The following PPARGC1A variants were observed in gnomAD, a reference collection of about 807,000 sequenced individuals.
PPARGC1A encodes the protein peroxisome proliferator-activated receptor gamma coactivator 1-alpha.
In PPARGC1A, 25 loss-of-function variants were observed where a neutral mutation model predicts 88.7. The ratio of observed to expected loss-of-function variants is 0.28; its 90% confidence interval spans 0.21 to 0.39. PPARGC1A has a LOEUF of 0.39. Ranked by LOEUF, PPARGC1A falls within the 10% of genes least tolerant of loss-of-function variation. The pLI is 1.00. For missense variants in PPARGC1A, 880 were observed against 968.7 expected (o/e 0.91, Z 1.22); for synonymous variants, 363 against 355.6 (o/e 1.02, Z -0.24).
the PPARGC1A span, among the ~76,000 whole-genome samples, chr4:24,417,972 A>G: frequency 6.6e-6 from 1 of 151,836 alleles, no homozygotes; most frequent in Non-Finnish European, 1.5e-5. Context: ...CCACCATCAG[A>G]CTATTTATTT....
chr4:24,162,023 C>A, the PPARGC1A span, among the ~76,000 whole-genome samples: 1 of 147,660 alleles, frequency 6.8e-6, no homozygotes, highest in African/African-American at 2.5e-5. Flanking sequence ...CCATGGAATA[C>A]TATTCAGCCA....
chr4:23,853,816 G>C (rs1220084270), intron 2 of PPARGC1A, among the ~76,000 whole-genome samples: 1 of 152,172 alleles, frequency 6.6e-6, no homozygotes, highest in Non-Finnish European at 1.5e-5. Flanking sequence ...AAGACATCTA[G>C]AGAAGACAAA....
chr4:24,139,830 C>A, the PPARGC1A span, among the ~76,000 whole-genome samples: 1 of 152,188 alleles, frequency 6.6e-6, no homozygotes, highest in South Asian at 2.1e-4. Flanking sequence ...AATGCTGGAA[C>A]TGAGTGCACC....
At chr4:24,248,858 G>A in the PPARGC1A span, among the ~76,000 whole-genome samples, 2 of 152,320 alleles carry the variant, frequency 1.3e-5, no homozygotes, top group South Asian at 2.1e-4. Context: ...CCTAAGGTCA[G>A]GAATGCACAT....
the PPARGC1A span, among the ~76,000 whole-genome samples, chr4:24,189,823 G>T: frequency 6.6e-6 from 1 of 152,048 alleles, no homozygotes; most frequent in Non-Finnish European, 1.5e-5. Flanking sequence ...ATGCTCCACA[G>T]TGTCCCCACC....
chr4:23,826,204 A>C (rs1723894817), intron 5 of PPARGC1A, among the ~76,000 whole-genome samples: 1 of 152,146 alleles, frequency 6.6e-6, no homozygotes, highest in Non-Finnish European at 1.5e-5. Context: ...GAGAGCCATA[A>C]GAAGGGGACA....
the PPARGC1A span, among the ~76,000 whole-genome samples, chr4:24,120,737 T>G: frequency 6.6e-6 from 1 of 152,174 alleles, no homozygotes; most frequent in South Asian, 2.1e-4. Context: ...AAAGAGGCCA[T>G]GGAGACCCCT....
In PPARGC1A at chr4:23,813,719, T is replaced by C; in HGVS notation, c.1764A>G (p.Ser588=). Residue 588 remains serine (S), a synonymous_variant, in exon 8 of 13, where the codon TCA becomes TCG. Coordinates refer to ENST00000264867, the MANE Select transcript of PPARGC1A (RefSeq NM_013261.5). ...AAGAGGATCTACTGCCTGGAGACCTTGATCTTGACCTGGAATATGGTGATC... is the reference window on the plus strand; with the variant it reads ...AAGAGGATCTACTGCCTGGAGACCTCGATCTTGACCTGGAATATGGTGATC... ...CSRSPYSRSR[S]RSPGSRSSSR... The C allele has an allele frequency of 6.2e-7, 1 of 1,609,086 alleles. No homozygotes were observed. Among genetic ancestry groups the C allele is most frequent in the Non-Finnish European group, 8.5e-7 (1 of 1,177,090 alleles).
the PPARGC1A span, among the ~76,000 whole-genome samples, chr4:23,953,198 T>C: frequency 6.6e-6 from 1 of 152,134 alleles, no homozygotes; most frequent in Admixed American, 6.6e-5. Context: ...GTGTTGGATA[T>C]GTACTCATTA....
the PPARGC1A span, among the ~76,000 whole-genome samples, chr4:24,173,867 A>G: frequency 4.6e-5 from 7 of 152,232 alleles, no homozygotes; most frequent in Non-Finnish European, 1.0e-4. Flanking sequence ...CAGGGAGAGC[A>G]TTTTAATGAT....
chr4:24,426,093 C>T, the PPARGC1A span, among the ~76,000 whole-genome samples: 36 of 152,192 alleles, frequency 2.4e-4, no homozygotes, highest in African/African-American at 6.5e-4. Context: ...AAAATTACAA[C>T]GGGGAGGGAA....
rs184614557 is a variant in PPARGC1A at position 23,878,309 on chromosome 4, T to C, written c.234+6443A>G. Among the ~76,000 whole-genome samples the C allele has an allele frequency of 5.1e-4, 78 of 151,864 alleles. No individual in the cohort carries two copies. The South Asian group carries it at 0.01, about 20-fold the overall frequency. The stretch of plus-strand genomic sequence containing the variant: ...CTAATGAAACATACACATTCTCACT[T>C]TGCAAACTGCAAATGGCTAAGAACC... On this transcript the variant is annotated intron_variant, in intron 2 of 12. Coordinates refer to ENST00000264867, the MANE Select transcript of PPARGC1A (RefSeq NM_013261.5).
chr4:24,420,260 A>G, the PPARGC1A span, among the ~76,000 whole-genome samples: 1 of 152,238 alleles, frequency 6.6e-6, no homozygotes, highest in African/African-American at 2.4e-5. Flanking sequence ...CTCAGAACAG[A>G]AAGTGTGCAC....
At chr4:23,949,483 C>T in the PPARGC1A span, among the ~76,000 whole-genome samples, 1 of 152,122 alleles carries the variant, frequency 6.6e-6, no homozygotes, top group Non-Finnish European at 1.5e-5. Context: ...TTAGCACTGG[C>T]ATTAATCGAG....
chr4:24,020,520 C>G, the PPARGC1A span, among the ~76,000 whole-genome samples: 1 of 152,202 alleles, frequency 6.6e-6, no homozygotes, highest in African/African-American at 2.4e-5. Flanking sequence ...TCAATGTTCT[C>G]TATCCCCACA....
intron 2 of PPARGC1A, among the ~76,000 whole-genome samples, chr4:23,844,482 T>C (rs13114573): frequency 3.7e-5 from 1 of 26,872 alleles, no homozygotes; most frequent in African/African-American, 1.5e-4. Context: ...ATTAATATAT[T>C]ATAATAATCA....
At chr4:24,462,316 C>T in the PPARGC1A span, among the ~76,000 whole-genome samples, 36 of 150,172 alleles carry the variant, frequency 2.4e-4, no homozygotes, top group Non-Finnish European at 4.6e-4. Flanking sequence ...AGGCTGGTCT[C>T]GAACTCCTGA....
the PPARGC1A span, among the ~76,000 whole-genome samples, chr4:24,050,497 T>G: frequency 6.6e-6 from 1 of 151,864 alleles, no homozygotes; most frequent in Middle Eastern, 3.4e-3. Context: ...CGCCTGGCTT[T>G]TATGTGACTT....
the PPARGC1A span, among the ~76,000 whole-genome samples, chr4:23,933,114 C>T: frequency 5.3e-5 from 8 of 152,130 alleles, no homozygotes; most frequent in African/African-American, 7.2e-5. Flanking sequence ...GGTGCCAAAA[C>T]GTCTGAAAGC....
Sources: allele counts gnomAD v4.1 joint callset (sites outside exome capture counted in the v4.1 genomes callset), GRCh38; gene constraint gnomAD v4.1.1; transcripts MANE v1.5; gene names NCBI Gene and HGNC (gene_info 2026-07-23, HGNC 2026-07-21).